AFG2A: variants seen among roughly 807,000 people sequenced by gnomAD.
The protein encoded by AFG2A is ATPase family gene 2 protein homolog A.
At chr4:123,171,741 A>C in the AFG2A span, among the ~76,000 whole-genome samples, 1 of 152,174 alleles carries the variant, frequency 6.6e-6, no homozygotes, top group East Asian at 1.9e-4. Context: ...GAATTTAAAA[A>C]TAGGGTTTTG....
chr4:123,062,110 C>T, the AFG2A span, among the ~76,000 whole-genome samples: 1 of 152,170 alleles, frequency 6.6e-6, no homozygotes, highest in Non-Finnish European at 1.5e-5. Flanking sequence ...TGATTTGCAG[C>T]TTCTAGATGT....
At chr4:123,086,692 A>G in the AFG2A span, among the ~76,000 whole-genome samples, 13 of 149,172 alleles carry the variant, frequency 8.7e-5, no homozygotes, top group African/African-American at 3.2e-4. Context: ...GTGTGGTTTT[A>G]TTATTTTTTT....
chr4:123,015,606 C>G, the AFG2A span, among the ~76,000 whole-genome samples: 170 of 151,330 alleles, frequency 1.1e-3, no homozygotes, highest in Non-Finnish European at 2.0e-3. Context: ...ACATGGCAAC[C>G]ATCCGATTTC....
chr4:123,249,446 A>G, the AFG2A span, among the ~76,000 whole-genome samples: 14 of 152,244 alleles, frequency 9.2e-5, no homozygotes, highest in East Asian at 2.7e-3. Context: ...TTGAACTTGG[A>G]CTTTTTTCTT....
chr4:123,021,960 G>C, the AFG2A span, among the ~76,000 whole-genome samples: 6,131 of 151,672 alleles, frequency 0.04, 395 homozygotes, highest in African/African-American at 0.14. Context: ...TTAATAAATG[G>C]TGCTGGGAAA....
At chr4:123,198,234 A>G in the AFG2A span, among the ~76,000 whole-genome samples, 1 of 150,436 alleles carries the variant, frequency 6.6e-6, no homozygotes, top group East Asian at 2.0e-4. Context: ...GTGCCACTGC[A>G]CTCCAGCCTA....
At chr4:123,012,009 G>A in the AFG2A span, among the ~76,000 whole-genome samples, 1 of 147,326 alleles carries the variant, frequency 6.8e-6, no homozygotes, top group Non-Finnish European at 1.5e-5. Context: ...GAAGGGGTGG[G>A]TAGAGACATG....
chr4:123,313,980 G>T, the AFG2A span: 6 of 1,612,788 alleles, frequency 3.7e-6, no homozygotes, highest in Non-Finnish European at 5.1e-6. Context: ...CTCAGGCCTT[G>T]AGCACTGTGA....
chr4:123,279,751 A>T, the AFG2A span, among the ~76,000 whole-genome samples: 1 of 152,240 alleles, frequency 6.6e-6, no homozygotes, highest in African/African-American at 2.4e-5. Flanking sequence ...GTCAGCACAT[A>T]CTGAAGGGTT....
chr4:123,204,116 A>G, the AFG2A span, among the ~76,000 whole-genome samples: 1 of 152,174 alleles, frequency 6.6e-6, no homozygotes. Context: ...AATGTTACAT[A>G]AGGTAGTTCT....
At chr4:123,071,904 G>A in the AFG2A span, among the ~76,000 whole-genome samples, 3 of 152,254 alleles carry the variant, frequency 2.0e-5, no homozygotes, top group South Asian at 4.1e-4. Context: ...ATTATTCATT[G>A]TTAAATATTT....
chr4:122,940,094 G>A, the AFG2A span, among the ~76,000 whole-genome samples: 3 of 152,118 alleles, frequency 2.0e-5, no homozygotes, highest in Non-Finnish European at 1.5e-5. Flanking sequence ...ATAAACATAC[G>A]TGTGCATGTG....
chr4:122,999,413 G>A, the AFG2A span, among the ~76,000 whole-genome samples: 2 of 152,070 alleles, frequency 1.3e-5, no homozygotes, highest in East Asian at 3.9e-4. Context: ...TAATACCTAG[G>A]TTTTCTTCTA....
the AFG2A span, among the ~76,000 whole-genome samples, chr4:123,178,810 CA>C: frequency 6.6e-6 from 1 of 152,064 alleles, no homozygotes; most frequent in Non-Finnish European, 1.5e-5. Flanking sequence ...ATTATCTTTG[CA>C]ATAAAGAATA....
At chr4:122,929,242 G>C in the AFG2A span, 2 of 1,496,410 alleles carry the variant, frequency 1.3e-6, no homozygotes, top group Middle Eastern at 1.8e-4. Flanking sequence ...AAGCTGCCCA[G>C]TAGAAATATA....
At chr4:122,951,353 A>G in the AFG2A span, among the ~76,000 whole-genome samples, 1 of 151,896 alleles carries the variant, frequency 6.6e-6, no homozygotes, top group Admixed American at 6.6e-5. Flanking sequence ...CTGTCCTTAG[A>G]TTTTGGTATC....
the AFG2A span, among the ~76,000 whole-genome samples, chr4:123,242,928 T>C: frequency 6.6e-6 from 1 of 152,002 alleles, no homozygotes; most frequent in South Asian, 2.1e-4. Context: ...CATCAAAAAG[T>C]GGGCAAAAGG....
chr4:123,226,443 G>C, the AFG2A span, among the ~76,000 whole-genome samples: 1 of 152,160 alleles, frequency 6.6e-6, no homozygotes, highest in Non-Finnish European at 1.5e-5. Flanking sequence ...TTTTGTCAAA[G>C]GCCTTTTCTG....
the AFG2A span, among the ~76,000 whole-genome samples, chr4:123,176,657 TAA>T: frequency 2.6e-5 from 4 of 152,136 alleles, no homozygotes; most frequent in Non-Finnish European, 5.9e-5. Context: ...AAATATTAAA[TAA>T]GAGAAGAGCC....
Sources: gnomAD v4.1 joint callset for allele counts (sites outside exome capture counted in the v4.1 genomes callset) on GRCh38, gnomAD v4.1.1 for gene constraint, MANE v1.5 for transcripts, NCBI Gene and HGNC (gene_info 2026-07-23, HGNC 2026-07-21) for gene names.